RPL26L1: variants seen among roughly 807,000 people sequenced by gnomAD.
RPL26L1 encodes the protein ribosomal protein uL24-like.
RPL26L1 carries 8 observed loss-of-function variants against 15.2 expected under a neutral mutation model. That is an observed-to-expected ratio of 0.53 (90% CI 0.31 to 0.95). RPL26L1 has a LOEUF of 0.95. RPL26L1 is among the 40% of genes least tolerant of loss of function. The pLI is 0.05. For missense variants in RPL26L1, 146 were observed against 190.9 expected, an observed-to-expected ratio of 0.76 and a Z score of 1.39; for synonymous variants, 51 against 65.9, an observed-to-expected ratio of 0.77 and a Z score of 1.09.
In RPL26L1 at chr5:172,963,103, C is replaced by G. The variant is rs563484828; in HGVS notation, c.168+3062C>G. On this transcript the variant is annotated intron_variant, in intron 2 of 3. Coordinates refer to ENST00000265100, the MANE Select transcript of RPL26L1 (RefSeq NM_016093.4). Reference sequence around the variant, plus strand: ...TATAAAATCTAAAATCATGGCCAGGCGCGGTGGCTCACGCCTGTAATCCCG... The same window carrying G: ...TATAAAATCTAAAATCATGGCCAGGGGCGGTGGCTCACGCCTGTAATCCCG... Among the ~76,000 whole-genome samples, 6 of 152,062 alleles carry G rather than the reference C, an allele frequency of 3.9e-5. No homozygotes were observed. The South Asian group carries it at 1.0e-3, about 26-fold the overall frequency.
chr5:172,959,750 G>C (rs1755146080), intron 1 of RPL26L1, 115 bp from the exon 2 acceptor site: 2 of 1,282,320 alleles, frequency 1.6e-6, no homozygotes, highest in Non-Finnish European at 2.2e-6. Flanking sequence ...TGCCTTTTCA[G>C]AGGCTACCTC....
upstream of RPL26L1, chr5:172,956,076 A>C (rs1754966446): frequency 6.6e-6 from 1 of 152,190 alleles, no homozygotes; most frequent in Admixed American, 6.5e-5. Context: ...GCGTTCTTAC[A>C]ATTTTTTAAA....
At chr5:172,966,965 C>T (rs1181277368) in intron 2 of RPL26L1, among the ~76,000 whole-genome samples, 4 of 151,674 alleles carry the variant, frequency 2.6e-5, no homozygotes, top group African/African-American at 9.7e-5. Context: ...AAGTGATTCT[C>T]CTGCCTCAGC....
upstream of RPL26L1, chr5:172,958,213 G>A (rs1391714820): frequency 2.4e-5 from 9 of 372,374 alleles, no homozygotes; most frequent in Admixed American, 3.1e-4. Context: ...GCGGTGAGCC[G>A]AGATGGTGCC....
chr5:172,955,241 G>GT (rs1764333153), upstream of RPL26L1: 2 of 324,462 alleles, frequency 6.2e-6, no homozygotes, highest in Non-Finnish European at 1.2e-5. Flanking sequence ...CAGTTCTCCT[G>GT]TTTCAGCCTC....
intron 2 of RPL26L1, among the ~76,000 whole-genome samples, chr5:172,962,652 T>C (rs1437429461): frequency 6.6e-5 from 10 of 151,550 alleles, no homozygotes; most frequent in African/African-American, 1.9e-4. Flanking sequence ...CCATCTCTAC[T>C]AAAAATATAA....
chr5:172,954,587 AAGAG>A (rs776887722), upstream of RPL26L1, among the ~76,000 whole-genome samples: 49 of 151,422 alleles, frequency 3.2e-4, no homozygotes, highest in Middle Eastern at 3.4e-3. Context: ...AAAAGAGAGA[AAGAG>A]AGAGGGAGGG....
intron 2 of RPL26L1, among the ~76,000 whole-genome samples, chr5:172,963,833 T>G (rs998277904): frequency 7.9e-5 from 12 of 152,200 alleles, no homozygotes; most frequent in African/African-American, 2.9e-4. Context: ...AAGACCATTT[T>G]TAATCATCCC....
chr5:172,959,950 G>T lies in RPL26L1; in HGVS notation c.77G>T (p.Arg26Leu). ...CACTTCAATGCCCCCTCACACGTGC[G>T]CAGGAAGATCATGTCATCCCCGCTC... ...KRHFNAPSHV[R>L]RKIMSSPLSK... Residue 26 changes from arginine to leucine, a missense_variant, in exon 2 of 4, where the codon CGC becomes CTC. Transcript: ENST00000265100. 1 of 1,614,206 alleles carries T rather than the reference G, an allele frequency of 6.2e-7. No individual in the cohort carries two copies.
Position 172,959,482 on chromosome 5 carries a change from G to A in RPL26L1, c.-10+14G>A, listed in dbSNP as rs1006201694. On this transcript the variant is annotated intron_variant, in intron 1 of 3. Transcript: ENST00000265100. ...GCTAGTAGCCGGGTGAGTGGAGGCT[G>A]GAGTTTTCTCGGACAGTGAACTCTA... is the stretch of plus-strand genomic sequence containing the variant. The A allele has an allele frequency of 3.9e-6, 4 of 1,025,296 alleles. No individual in the cohort carries two copies. The highest frequency in any genetic ancestry group is 1.7e-5 in the African/African-American group (1 of 59,550). 63.5% of individuals were successfully genotyped at this position (1,025,296 alleles called of 1,614,324 possible). A position where few individuals can be genotyped will look rare whatever the true frequency, so the allele number is the denominator to read the frequency against.
intron 2 of RPL26L1, among the ~76,000 whole-genome samples, chr5:172,964,442 T>C (rs1010994595): frequency 6.6e-6 from 1 of 151,968 alleles, no homozygotes; most frequent in Non-Finnish European, 1.5e-5. Context: ...CACACCACCA[T>C]GCCTGGCTAA....
upstream of RPL26L1, chr5:172,958,593 G>A (rs930792246): frequency 2.8e-6 from 1 of 356,806 alleles, no homozygotes; most frequent in Admixed American, 3.1e-5. Flanking sequence ...GCCCACGGAG[G>A]GGGCGTGGTT....
intron 2 of RPL26L1, among the ~76,000 whole-genome samples, chr5:172,966,785 G>A (rs1425667334): frequency 1.3e-5 from 2 of 151,894 alleles, no homozygotes; most frequent in Non-Finnish European, 2.9e-5. Context: ...GACATTTTAG[G>A]AGTATTGGGG....
At chr5:172,969,090 G>C (rs1393571664) in intron 3 of RPL26L1, among the ~76,000 whole-genome samples, 2 of 151,988 alleles carry the variant, frequency 1.3e-5, no homozygotes, top group African/African-American at 4.8e-5. Flanking sequence ...ACAGGTGTGA[G>C]CCATCATGGC....
intron 2 of RPL26L1, among the ~76,000 whole-genome samples, chr5:172,966,350 C>T (rs1247771787): frequency 2.5e-5 from 2 of 80,608 alleles, no homozygotes; most frequent in Non-Finnish European, 4.4e-5. Flanking sequence ...TTTGTAGAGA[C>T]GGGGTCTTGC....
upstream of RPL26L1, chr5:172,955,332 T>C (rs1411912213): frequency 3.9e-6 from 1 of 255,564 alleles, no homozygotes; most frequent in Non-Finnish European, 7.7e-6. Flanking sequence ...TTTCACCATA[T>C]TGGTCAGGCT....
chr5:172,955,304 T>C (rs369234078), upstream of RPL26L1: 1 of 284,886 alleles, frequency 3.5e-6, no homozygotes, highest in Non-Finnish European at 6.9e-6. Flanking sequence ...AATTTTTGTA[T>C]TTTTAGGAGA....
chr5:172,967,915 G>A (rs558536882), intron 2 of RPL26L1, among the ~76,000 whole-genome samples: 19 of 150,988 alleles, frequency 1.3e-4, no homozygotes, highest in Admixed American at 8.0e-4. Flanking sequence ...ATACATATAC[G>A]CACATATGTA....
At chr5:172,954,295 C>A (rs562621557), upstream of RPL26L1, among the ~76,000 whole-genome samples, 1 of 152,082 alleles carries the variant, frequency 6.6e-6, no homozygotes, top group African/African-American at 2.4e-5. Context: ...GGAGGCCGGA[C>A]GCGATGGTTC....
Sources: allele counts gnomAD v4.1 joint callset (sites outside exome capture counted in the v4.1 genomes callset), GRCh38; gene constraint gnomAD v4.1.1; transcripts MANE v1.5; gene names NCBI Gene and HGNC (gene_info 2026-07-23, HGNC 2026-07-21).